Variants in SNX13 observed in about 807,000 individuals in gnomAD.
SNX13 encodes sorting nexin 13.
In SNX13, 45 loss-of-function variants were observed where a neutral mutation model predicts 133.6. The observed-to-expected ratio is 0.34, with a 90% CI of 0.27 to 0.43. The LOEUF is 0.43. Among genes scored for constraint, SNX13 ranks in the 20% least tolerant of loss-of-function variants. The pLI is 1.00. For missense variants in SNX13, 1,032 were observed against 1,145.1 expected (o/e 0.90, Z 1.43); for synonymous variants, 414 against 373.9 (o/e 1.11, Z -1.24).
intron 24 of SNX13, among the ~76,000 whole-genome samples, chr7:17,797,304 C>A (rs1051917549): frequency 2.6e-5 from 4 of 151,796 alleles, no homozygotes; most frequent in Admixed American, 1.3e-4. Context: ...TATCTTGAAT[C>A]TCAATGCCTT....
intron 20 of SNX13, 125 bp downstream of exon 20, chr7:17,814,709 G>A (rs182704247): frequency 3.0e-5 from 22 of 728,148 alleles, no homozygotes; most frequent in African/African-American, 2.5e-4. Flanking sequence ...TAAACATGCC[G>A]AGAACTTAAT....
At position 17,928,643 on chromosome 7, in the gene SNX13, C is replaced by T. The variant is rs578079482; in HGVS notation, c.12+11641G>A. Among the ~76,000 whole-genome samples, 9 of 151,902 alleles carry T rather than the reference C, an allele frequency of 5.9e-5. No individual in the cohort carries two copies. The South Asian group carries it at 1.7e-3, about 28-fold the overall frequency. On this transcript the variant is annotated intron_variant, in intron 1 of 25. Transcript: ENST00000428135. ...AAAAAATTCAATTATGAGAAAAAAA[C>T]AGAACAAACTAACCCGCCACTAACA...
chr7:17,891,448 A>G, intron 4 of SNX13, 98 bp downstream of exon 4: 1 of 762,994 alleles, frequency 1.3e-6, no homozygotes. Context: ...AAATTCCAGG[A>G]TATTATTTAA....
At chr7:17,803,295 T>A in intron 21 of SNX13, 124 bp downstream of exon 21, 2 of 827,936 alleles carry the variant, frequency 2.4e-6, no homozygotes, top group South Asian at 5.7e-5. Context: ...TATGAGACTA[T>A]GTGTCTAGCA....
At chr7:17,873,747 A>G in intron 7 of SNX13, 131 bp from the exon 8 acceptor site, 1 of 431,040 alleles carries the variant, frequency 2.3e-6, no homozygotes, top group Non-Finnish European at 4.0e-6. Context: ...TTTAGTAATT[A>G]GTACACATCA....
intron 25 of SNX13, chr7:17,796,181 T>G (rs1784030841): frequency 6.6e-6 from 1 of 151,718 alleles, no homozygotes; most frequent in African/African-American, 2.4e-5. Flanking sequence ...CTTCTCTGAT[T>G]GAAAGAAGAA....
At chr7:17,899,516 T>C (rs1273894780) in intron 1 of SNX13, 3 of 151,944 alleles carry the variant, frequency 2.0e-5, no homozygotes, top group Non-Finnish European at 4.4e-5. Context: ...TTTTTTCTCC[T>C]CTGTGTATTT....
intron 1 of SNX13, among the ~76,000 whole-genome samples, chr7:17,905,783 C>T (rs1467366848): frequency 3.9e-5 from 6 of 152,138 alleles, no homozygotes; most frequent in South Asian, 2.1e-4. Context: ...AAGCCCAACG[C>T]TCAAGGCTAT....
At chr7:17,843,914 A>C (rs1790194005) in intron 12 of SNX13, among the ~76,000 whole-genome samples, 2 of 152,056 alleles carry the variant, frequency 1.3e-5, no homozygotes, top group South Asian at 4.1e-4. Context: ...AATATTAATT[A>C]AAACAAACAT....
chr7:17,896,774 T>C (rs918388446), intron 2 of SNX13, among the ~76,000 whole-genome samples: 2 of 152,084 alleles, frequency 1.3e-5, no homozygotes, highest in Non-Finnish European at 2.9e-5. Flanking sequence ...CATACAAAGC[T>C]ACAATAAATT....
At chr7:17,924,819 T>C (rs1583807234) in intron 1 of SNX13, among the ~76,000 whole-genome samples, 1 of 152,184 alleles carries the variant, frequency 6.6e-6, no homozygotes, top group African/African-American at 2.4e-5. Flanking sequence ...CATTACATGA[T>C]ACAACATGGA....
intron 11 of SNX13, among the ~76,000 whole-genome samples, chr7:17,848,365 C>T (rs182958019): frequency 8.5e-5 from 13 of 152,242 alleles, no homozygotes; most frequent in South Asian, 8.3e-4. Context: ...TTTTCCTGGA[C>T]GCCGAGTAAG....
chr7:17,843,314 C>A (rs1583445338), intron 12 of SNX13, among the ~76,000 whole-genome samples: 3 of 151,926 alleles, frequency 2.0e-5, no homozygotes, highest in African/African-American at 7.2e-5. Flanking sequence ...GACTTTAAAT[C>A]AAAAATGGTT....
At chr7:17,908,613 T>C (rs1798634131) in intron 1 of SNX13, among the ~76,000 whole-genome samples, 1 of 152,234 alleles carries the variant, frequency 6.6e-6, no homozygotes, top group African/African-American at 2.4e-5. Flanking sequence ...TTTATGCATA[T>C]TTGCCTCTTC....
chr7:17,900,749 C>G (rs1038359470), intron 1 of SNX13, among the ~76,000 whole-genome samples: 1 of 152,104 alleles, frequency 6.6e-6, no homozygotes, highest in Non-Finnish European at 1.5e-5. Context: ...AGATGCTATA[C>G]AAGAGCCAAG....
intron 1 of SNX13, among the ~76,000 whole-genome samples, chr7:17,912,298 G>A (rs2691566): frequency 0.44 from 67,017 of 151,896 alleles, 15,201 homozygotes; most frequent in South Asian, 0.66. Context: ...ATGGGAGAGC[G>A]CCCTGTTTCT....
intron 5 of SNX13, among the ~76,000 whole-genome samples, chr7:17,883,384 A>G (rs899639698): frequency 1.3e-5 from 2 of 152,254 alleles, no homozygotes; most frequent in African/African-American, 4.8e-5. Context: ...GTTAAAGTAT[A>G]GAAAATTAAA....
At chr7:17,888,995 G>T in intron 5 of SNX13, 1 of 212,862 alleles carries the variant, frequency 4.7e-6, no homozygotes, top group Non-Finnish European at 9.6e-6. Context: ...CAATAGTCAG[G>T]CACAAGAATA....
intron 10 of SNX13, 30 bp from the exon 11 acceptor site, chr7:17,850,465 G>C: frequency 7.5e-6 from 10 of 1,334,406 alleles, no homozygotes; most frequent in Non-Finnish European, 9.2e-6. Context: ...GAACTAGAAA[G>C]TGGTAGTGTT....
Sources: gnomAD v4.1 joint callset for allele counts (sites outside exome capture counted in the v4.1 genomes callset) on GRCh38, gnomAD v4.1.1 for gene constraint, MANE v1.5 for transcripts, NCBI Gene and HGNC (gene_info 2026-07-23, HGNC 2026-07-21) for gene names.